Variants in C2orf49 observed in about 807,000 individuals in gnomAD.
The protein encoded by C2orf49 is tRNA-splicing ligase complex subunit ASW.
A neutral mutation model predicts 20.6 loss-of-function variants in C2orf49; 11 were observed. The observed-to-expected ratio is 0.53, with a 90% CI of 0.34 to 0.88. The LOEUF is 0.88. Ranked by LOEUF, C2orf49 falls within the 40% of genes least tolerant of loss-of-function variation. C2orf49 has a pLI of 0.02. For missense variants in C2orf49, 289 were observed against 274.2 expected (o/e 1.05, Z -0.38); for synonymous variants, 134 against 108.5 (o/e 1.24, Z -1.46).
At chr2:105,369,568 C>A in the C2orf49 span, among the ~76,000 whole-genome samples, 7 of 152,146 alleles carry the variant, frequency 4.6e-5, no homozygotes, top group Admixed American at 1.3e-4. Flanking sequence ...CAAAACTAAG[C>A]TGTACAATCT....
the C2orf49 span, chr2:105,378,115 T>C: frequency 6.5e-6 from 3 of 464,372 alleles, no homozygotes; most frequent in Non-Finnish European, 8.9e-6. Context: ...CACATCAGCA[T>C]GCCTGCACAG....
At chr2:105,355,837 T>C in the C2orf49 span, among the ~76,000 whole-genome samples, 1 of 149,994 alleles carries the variant, frequency 6.7e-6, no homozygotes, top group South Asian at 2.1e-4. Context: ...CAGATCAAGA[T>C]ACACAGTACA....
At chr2:105,365,999 G>C in the C2orf49 span, among the ~76,000 whole-genome samples, 1 of 152,138 alleles carries the variant, frequency 6.6e-6, no homozygotes, top group South Asian at 2.1e-4. Context: ...GAGGTCAGGA[G>C]TTCCGAGATC....
the C2orf49 span, chr2:105,363,293 G>A: frequency 6.2e-7 from 1 of 1,614,106 alleles, no homozygotes; most frequent in Non-Finnish European, 8.5e-7. Context: ...ACCGCTGATG[G>A]GGTTGGTGCA....
At position 105,337,606 on chromosome 2, in the gene C2orf49, G is replaced by T. The variant is rs755439911; in HGVS notation, c.19G>T (p.Gly7Cys). MAGDVG[G>C]RSCTDSELLL... Reference sequence around the variant, plus strand: ...GACGACCATGGCGGGGGATGTGGGCGGTCGCAGCTGCACGGACTCGGAACT... The same window carrying T: ...GACGACCATGGCGGGGGATGTGGGCTGTCGCAGCTGCACGGACTCGGAACT... The change falls in exon 1 of 4, where the codon GGT becomes TGT. Residue 7 changes from glycine (G) to cysteine (C), a missense_variant. Coordinates refer to ENST00000258457, the MANE Select transcript of C2orf49 (RefSeq NM_024093.3). 6.2e-7 allele frequency: 1 copy of T among 1,612,972 alleles called. No individual in the cohort carries two copies. The highest frequency in any genetic ancestry group is 1.1e-5 in the South Asian group (1 of 91,060).
the C2orf49 span, among the ~76,000 whole-genome samples, chr2:105,385,636 C>A: frequency 6.6e-6 from 1 of 152,124 alleles, no homozygotes; most frequent in Non-Finnish European, 1.5e-5. Flanking sequence ...AAGCCGTTTG[C>A]GGGTGAAGGT....
rs200705777 is a variant in C2orf49, at chr2:105,337,595, G to C, written c.8G>C (p.Gly3Ala). The C allele has an allele frequency of 8.9e-5, 144 of 1,613,222 alleles. No homozygotes were observed. Among genetic ancestry groups the C allele is most frequent in the Non-Finnish European group, 1.1e-4 (135 of 1,179,966 alleles). The change falls in exon 1 of 4, where the codon GGG becomes GCG. Residue 3 changes from glycine (G) to alanine (A), a missense_variant. Transcript: ENST00000258457. Reference sequence around the variant, plus strand: ...GGTCTCCTGGCGACGACCATGGCGGGGGATGTGGGCGGTCGCAGCTGCACG... The same window carrying C: ...GGTCTCCTGGCGACGACCATGGCGGCGGATGTGGGCGGTCGCAGCTGCACG... Reference protein sequence around the residue: MAGDVGGRSCTDS... With the variant: MAADVGGRSCTDS...
chr2:105,369,367 C>T, the C2orf49 span, among the ~76,000 whole-genome samples: 2 of 152,266 alleles, frequency 1.3e-5, no homozygotes, highest in African/African-American at 4.8e-5. Flanking sequence ...GAAAGTTGGT[C>T]ATGAAATGTC....
At chr2:105,353,030 G>T (rs1679975429), downstream of C2orf49, among the ~76,000 whole-genome samples, 3 of 152,168 alleles carry the variant, frequency 2.0e-5, no homozygotes, top group South Asian at 6.2e-4. Context: ...GGAGGTCCAA[G>T]AGCATGGCAC....
At chr2:105,384,799 GC>G in the C2orf49 span, among the ~76,000 whole-genome samples, 3 of 152,134 alleles carry the variant, frequency 2.0e-5, no homozygotes, top group Admixed American at 2.0e-4. Context: ...TTGAGCCTAT[GC>G]CCCTGGCCTG....
the C2orf49 span, among the ~76,000 whole-genome samples, chr2:105,384,801 C>G: frequency 6.6e-6 from 1 of 152,206 alleles, no homozygotes; most frequent in African/African-American, 2.4e-5. Flanking sequence ...GAGCCTATGC[C>G]CCTGGCCTGG....
the C2orf49 span, chr2:105,373,471 C>G: frequency 6.9e-7 from 1 of 1,441,674 alleles, no homozygotes; most frequent in Non-Finnish European, 9.7e-7. Context: ...GTGTCTGGAA[C>G]CAAGTCAATG....
intron 3 of C2orf49, among the ~76,000 whole-genome samples, chr2:105,344,242 C>T (rs186279878): frequency 1.1e-3 from 165 of 152,274 alleles, no homozygotes; most frequent in Non-Finnish European, 1.9e-3. Context: ...CCAGGGCACA[C>T]ACTTTGGAGG....
chr2:105,371,546 A>ATCTCTCTCTCTCTCTCTC, the C2orf49 span, among the ~76,000 whole-genome samples: 21 of 141,086 alleles, frequency 1.5e-4, no homozygotes, highest in South Asian at 1.5e-3. Context: ...ATCCCTTGAA[A>ATCTCTCTCTCTCTCTCTC]TCTCTCTCTC....
the C2orf49 span, among the ~76,000 whole-genome samples, chr2:105,379,622 C>A: frequency 1.3e-5 from 2 of 152,214 alleles, no homozygotes; most frequent in African/African-American, 4.8e-5. Context: ...TCCGACAAAA[C>A]TAAACTGTGC....
rs996335380 is a variant in C2orf49 at position 105,346,336 on chromosome 2, A to G, written c.*965A>G. 5.3e-5 allele frequency: 8 copies of G among 152,184 alleles called. No homozygotes were observed. Among genetic ancestry groups the G allele is most frequent in the African/African-American group, 1.9e-4 (8 of 41,436 alleles). 9.4% of individuals were successfully genotyped at this position (152,184 alleles called of 1,614,324 possible). A position where few individuals can be genotyped will look rare whatever the true frequency, so the allele number is the denominator to read the frequency against. On this transcript the variant is annotated 3_prime_UTR_variant, in exon 4 of 4. Coordinates refer to ENST00000258457, the MANE Select transcript of C2orf49 (RefSeq NM_024093.3). ...CTTGAAGTTGTAACAATTGATACAT[A>G]TATTATGAGTTGACTGGTCGATTCT... is the stretch of plus-strand genomic sequence containing the variant.
the C2orf49 span, among the ~76,000 whole-genome samples, chr2:105,380,776 C>T: frequency 4.7e-5 from 7 of 150,454 alleles, no homozygotes; most frequent in Non-Finnish European, 1.0e-4. Flanking sequence ...AAATTGAAAA[C>T]AAAAAGAAAG....
chr2:105,377,419 T>C, the C2orf49 span, among the ~76,000 whole-genome samples: 79 of 151,972 alleles, frequency 5.2e-4, no homozygotes, highest in Non-Finnish European at 8.5e-4. Context: ...TCACCTGAGG[T>C]CATGAGTTCG....
the C2orf49 span, among the ~76,000 whole-genome samples, chr2:105,367,001 CTCCCACAGGT>C: frequency 6.6e-6 from 1 of 152,160 alleles, no homozygotes; most frequent in Non-Finnish European, 1.5e-5. Context: ...CAGCCTTGGC[CTCCCACAGGT>C]GATCCACCAG....
Sources: gnomAD v4.1 joint callset for allele counts (sites outside exome capture counted in the v4.1 genomes callset) on GRCh38, gnomAD v4.1.1 for gene constraint, MANE v1.5 for transcripts, NCBI Gene and HGNC (gene_info 2026-07-23, HGNC 2026-07-21) for gene names.